The following PRKCE variants were observed in gnomAD, a reference collection of about 807,000 sequenced individuals.
PRKCE encodes the protein protein kinase C epsilon.
In PRKCE, 16 loss-of-function variants were observed where a neutral mutation model predicts 85.4. The observed-to-expected ratio is 0.19, with a 90% CI of 0.13 to 0.28. PRKCE has a LOEUF of 0.28. PRKCE is among the 10% of genes least tolerant of loss of function. PRKCE has a pLI of 1.00. For synonymous variants in PRKCE, 388 were observed against 371.5 expected (o/e 1.04, Z -0.51); for missense variants, 573 against 975.2 (o/e 0.59, Z 5.49).
chr2:45,925,526 C>T (rs1315699276), intron 2 of PRKCE, among the ~76,000 whole-genome samples: 1 of 152,140 alleles, frequency 6.6e-6, no homozygotes, highest in Non-Finnish European at 1.5e-5. Flanking sequence ...GAACTCCTGA[C>T]CTCAGGTGAT....
intron 1 of PRKCE, among the ~76,000 whole-genome samples, chr2:45,822,888 T>G (rs1312585188): frequency 3.3e-5 from 5 of 152,184 alleles, no homozygotes; most frequent in African/African-American, 1.2e-4. Context: ...ATTACCCTTC[T>G]CTCCCACTGT....
chr2:46,150,968 G>T, intron 12 of PRKCE, 73 bp from the exon 13 acceptor site: 1 of 1,393,464 alleles, frequency 7.2e-7, no homozygotes. Context: ...TCCTTCCCAT[G>T]GGCGTTCGTA....
chr2:45,860,885 C>A (rs1014394826), intron 2 of PRKCE, among the ~76,000 whole-genome samples: 2 of 152,194 alleles, frequency 1.3e-5, no homozygotes, highest in African/African-American at 4.8e-5. Flanking sequence ...AGCCACTGAG[C>A]CCTGGAGACA....
intron 3 of PRKCE, chr2:45,977,971 C>G (rs529279820): frequency 6.6e-6 from 1 of 152,210 alleles, no homozygotes; most frequent in Non-Finnish European, 1.5e-5. Flanking sequence ...CTGCACTGGG[C>G]TCTGAGGACC....
At chr2:45,963,600 C>T (rs540563355) in intron 2 of PRKCE, among the ~76,000 whole-genome samples, 12 of 152,310 alleles carry the variant, frequency 7.9e-5, no homozygotes, top group African/African-American at 2.4e-4. Context: ...TGAGCTACCG[C>T]GCCCGGCCAT....
rs1313961734 is a variant in PRKCE, at chr2:45,905,074, C to T, written c.412+62011C>T. Among the ~76,000 whole-genome samples the T allele has an allele frequency of 6.6e-6, 1 of 152,252 alleles. No individual in the cohort carries two copies. The highest frequency in any genetic ancestry group is 2.4e-5 in the African/African-American group (1 of 41,476). ...TCACTGGATGCTACGGTGTTAATCA[C>T]ACCACTGGTGCTTGCTGTATCCTAT... On this transcript the variant is annotated intron_variant, in intron 2 of 14. Coordinates refer to ENST00000306156, the MANE Select transcript of PRKCE (RefSeq NM_005400.3). This position sits in a 1 kb window ranked among gnomAD's most constrained non-coding sequence, Gnocchi z 4.4.
intron 1 of PRKCE, among the ~76,000 whole-genome samples, chr2:45,714,884 T>C (rs1367961407): frequency 1.3e-5 from 2 of 152,226 alleles, no homozygotes; most frequent in African/African-American, 4.8e-5. Flanking sequence ...TATTAGTCAC[T>C]TTCATGAATG....
At chr2:45,800,771 G>C (rs543982536) in intron 1 of PRKCE, among the ~76,000 whole-genome samples, 2 of 152,200 alleles carry the variant, frequency 1.3e-5, no homozygotes, top group Non-Finnish European at 2.9e-5. Context: ...TAACAGTAGA[G>C]CTGGCTTCCT....
At position 46,097,519 on chromosome 2, in the gene PRKCE, C is replaced by CAAAAAAAAAA. The variant is rs66634467; in HGVS notation, c.1592+11166_1592+11175dup. 1.9e-3 allele frequency among the ~76,000 whole-genome samples: 181 copies of CAAAAAAAAAA among 94,082 alleles called. 3 individuals carry two copies. Among genetic ancestry groups the CAAAAAAAAAA allele is most frequent in the Middle Eastern group, 0.012 (2 of 168 alleles). 61.7% of individuals were successfully genotyped at this position (94,082 alleles called of 152,430 possible). ...TGGGAGACAGAGCGAGACTCCGTCTCAAAAAAAAAAAAAAAAAAGCTGTGA... is the reference window on the plus strand; with the variant it reads ...TGGGAGACAGAGCGAGACTCCGTCTCAAAAAAAAAAAAAAAAAAAAAAAAAAAAGCTGTGA... On this transcript the variant is annotated intron_variant, in intron 11 of 14. Coordinates refer to ENST00000306156, the MANE Select transcript of PRKCE (RefSeq NM_005400.3).
In PRKCE at chr2:45,801,356, G is replaced by T. The variant is rs1687851997; in HGVS notation, c.349-41644G>T. On this transcript the variant is annotated intron_variant, in intron 1 of 14. Transcript: ENST00000306156. ...CAGGGATGAATGTGAAGGGGAGAAGGCCAGAGGAGGGAATCCATTTAGATT... is the reference window on the plus strand; with the variant it reads ...CAGGGATGAATGTGAAGGGGAGAAGTCCAGAGGAGGGAATCCATTTAGATT... 3.3e-5 allele frequency among the ~76,000 whole-genome samples: 5 copies of T among 150,814 alleles called. No homozygotes were observed. In the South Asian group the frequency reaches 1.1e-3, roughly 32 times the overall value.
chr2:45,707,759 C>T (rs200884686), intron 1 of PRKCE, among the ~76,000 whole-genome samples: 2 of 152,220 alleles, frequency 1.3e-5, no homozygotes, highest in East Asian at 3.8e-4. Flanking sequence ...GAAATAGCTC[C>T]TGCATCCTCC....
At chr2:45,901,263 G>A (rs1696561820) in intron 2 of PRKCE, among the ~76,000 whole-genome samples, 1 of 152,194 alleles carries the variant, frequency 6.6e-6, no homozygotes, top group Non-Finnish European at 1.5e-5. Context: ...CTAATCGGTT[G>A]CTTGAGGATT....
intron 12 of PRKCE, among the ~76,000 whole-genome samples, chr2:46,150,022 A>G (rs567120166): frequency 3.3e-5 from 5 of 152,008 alleles, no homozygotes; most frequent in African/African-American, 1.2e-4. Context: ...ATGCCCAGCT[A>G]ATTTTTTTTA....
chr2:46,021,213 T>G (rs749097847), intron 10 of PRKCE, among the ~76,000 whole-genome samples: 6 of 152,058 alleles, frequency 3.9e-5, no homozygotes, highest in Non-Finnish European at 8.8e-5. Context: ...TAGGAAGCCG[T>G]GAGGAAGACA....
intron 11 of PRKCE, among the ~76,000 whole-genome samples, chr2:46,088,433 C>G (rs1336604870): frequency 6.6e-6 from 1 of 152,168 alleles, no homozygotes; most frequent in Non-Finnish European, 1.5e-5. Context: ...GAAGAAATCG[C>G]AATTTGAGAC....
chr2:46,136,176 C>A (rs545047688), intron 11 of PRKCE, among the ~76,000 whole-genome samples: 2 of 152,164 alleles, frequency 1.3e-5, no homozygotes, highest in Admixed American at 1.3e-4. Context: ...AGCACTCAGG[C>A]CTGAGCTTTG....
intron 1 of PRKCE, among the ~76,000 whole-genome samples, chr2:45,689,304 G>T (rs1677540039): frequency 6.6e-6 from 1 of 152,050 alleles, no homozygotes; most frequent in Admixed American, 6.6e-5. Flanking sequence ...GGTAACCTTG[G>T]GTAACCAGAA....
chr2:45,799,756 C>T (rs963467457), intron 1 of PRKCE, among the ~76,000 whole-genome samples: 2 of 152,176 alleles, frequency 1.3e-5, no homozygotes, highest in East Asian at 3.8e-4. Flanking sequence ...ACTGCTCACA[C>T]ATTTAATTTG....
At chr2:46,056,967 G>A (rs996774659) in intron 10 of PRKCE, among the ~76,000 whole-genome samples, 2 of 152,186 alleles carry the variant, frequency 1.3e-5, no homozygotes, top group South Asian at 2.1e-4. Context: ...TCTGGCTCAG[G>A]GCCTCTTGTG....
Sources: gnomAD v4.1 joint callset for allele counts (sites outside exome capture counted in the v4.1 genomes callset) on GRCh38, gnomAD v4.1.1 for gene constraint, Gnocchi (gnomAD v3.1) non-coding constraint, MANE v1.5 for transcripts, NCBI Gene and HGNC (gene_info 2026-07-23, HGNC 2026-07-21) for gene names.